The following DLG2 variants were observed in gnomAD, a reference collection of about 807,000 sequenced individuals.
The protein encoded by DLG2 is discs large MAGUK scaffold protein 2, also known as disks large homolog 2.
Under a neutral mutation model 132.5 loss-of-function variants are expected in DLG2, and 45 were observed. The ratio of observed to expected loss-of-function variants is 0.34; its 90% CI spans 0.27 to 0.44. The LOEUF (loss-of-function observed/expected upper bound fraction) is 0.44. DLG2 is among the 20% of genes least tolerant of loss of function. DLG2 has a pLI of 1.00. For missense variants in DLG2, 1,045 were observed against 1,196.9 expected, an observed-to-expected ratio of 0.87 and a Z score of 1.87; for synonymous variants, 424 against 419.6, an observed-to-expected ratio of 1.01 and a Z score of -0.13.
chr11:83,652,021 T>C (rs1470546371), intron 18 of DLG2: 4 of 320,244 alleles, frequency 1.2e-5, no homozygotes, highest in African/African-American at 6.4e-5. Context: ...TGTTAGAGAA[T>C]TGAATTCACA....
At chr11:85,077,614 T>C (rs1313955124) in intron 6 of DLG2, among the ~76,000 whole-genome samples, 1 of 150,114 alleles carries the variant, frequency 6.7e-6, no homozygotes, top group Non-Finnish European at 1.5e-5. Flanking sequence ...AGGTTAAAAA[T>C]ACATTTAACA....
At chr11:84,928,917 C>G (rs1591434679) in intron 6 of DLG2, among the ~76,000 whole-genome samples, 1 of 139,636 alleles carries the variant, frequency 7.2e-6, no homozygotes, top group South Asian at 2.2e-4. Context: ...ATAAATTTAA[C>G]AAGCCAAGAA....
At chr11:83,875,321 G>T (rs2064486308) in intron 15 of DLG2, among the ~76,000 whole-genome samples, 1 of 152,072 alleles carries the variant, frequency 6.6e-6, no homozygotes, top group African/African-American at 2.4e-5. Context: ...ACTTTTCTAA[G>T]TGTTTTTAAA....
At chr11:84,355,086 C>A (rs1420658005) in intron 7 of DLG2, among the ~76,000 whole-genome samples, 1 of 151,978 alleles carries the variant, frequency 6.6e-6, no homozygotes, top group Non-Finnish European at 1.5e-5. Context: ...AGTTCTCCTA[C>A]CCCAGAAAAT....
chr11:84,370,715 C>G (rs1384512462), intron 7 of DLG2, among the ~76,000 whole-genome samples: 2 of 152,150 alleles, frequency 1.3e-5, no homozygotes, highest in Non-Finnish European at 2.9e-5. Context: ...GTGTCTGACT[C>G]TTTACCACCT....
At chr11:85,494,075 T>A (rs1398271324) in intron 3 of DLG2, among the ~76,000 whole-genome samples, 1 of 152,030 alleles carries the variant, frequency 6.6e-6, no homozygotes, top group Non-Finnish European at 1.5e-5. Context: ...TCTTGACCCC[T>A]TATATAAGGA....
chr11:83,849,507 T>C (rs1025145612), intron 16 of DLG2, among the ~76,000 whole-genome samples: 3 of 151,714 alleles, frequency 2.0e-5, no homozygotes, highest in Non-Finnish European at 4.4e-5. Flanking sequence ...CATAGATATT[T>C]GAAACGAAAT....
chr11:84,562,840 C>A (rs1162404810), intron 6 of DLG2, among the ~76,000 whole-genome samples: 1 of 151,584 alleles, frequency 6.6e-6, no homozygotes, highest in Non-Finnish European at 1.5e-5. Context: ...GCAGCCTCAA[C>A]CAACTGTGCT....
At chr11:83,727,179 A>C (rs1222665971) in intron 18 of DLG2, among the ~76,000 whole-genome samples, 2 of 152,170 alleles carry the variant, frequency 1.3e-5, no homozygotes, top group Non-Finnish European at 2.9e-5. Context: ...TACATAGATA[A>C]TTTTATTCAA....
chr11:85,594,453 T>C (rs2079584976), intron 3 of DLG2, among the ~76,000 whole-genome samples: 1 of 152,166 alleles, frequency 6.6e-6, no homozygotes, highest in Non-Finnish European at 1.5e-5. Flanking sequence ...CTCCTCTAAT[T>C]TCCCTCTAAT....
intron 17 of DLG2, chr11:83,791,111 C>G (rs2041430865): frequency 1.5e-6 from 1 of 671,630 alleles, no homozygotes; most frequent in Admixed American, 2.5e-5. Flanking sequence ...GGCCTTGACT[C>G]TCACCTCCAT....
chr11:83,741,103 C>T (rs912247774), intron 18 of DLG2, among the ~76,000 whole-genome samples: 6 of 152,058 alleles, frequency 3.9e-5, no homozygotes, highest in African/African-American at 1.4e-4. Flanking sequence ...ATCCAAATTC[C>T]CTTCACTGAT....
At chr11:83,967,674 T>C (rs1389375041) in intron 12 of DLG2, among the ~76,000 whole-genome samples, 1 of 152,168 alleles carries the variant, frequency 6.6e-6, no homozygotes, top group Non-Finnish European at 1.5e-5. Context: ...TTTTCCCAAT[T>C]TGTTTCATTT....
chr11:85,266,272 G>A (rs1310994287), intron 4 of DLG2, among the ~76,000 whole-genome samples: 1 of 152,342 alleles, frequency 6.6e-6, no homozygotes, highest in East Asian at 1.9e-4. Context: ...CCTCCCATGT[G>A]CGGTGGATCA....
At chr11:85,162,429 T>C (rs1361861399) in intron 4 of DLG2, among the ~76,000 whole-genome samples, 2 of 152,180 alleles carry the variant, frequency 1.3e-5, no homozygotes, top group African/African-American at 2.4e-5. Flanking sequence ...CTGAGGTGCT[T>C]GCTGAAGGCA....
At chr11:85,261,661 A>G (rs1020770600) in intron 4 of DLG2, among the ~76,000 whole-genome samples, 1 of 152,182 alleles carries the variant, frequency 6.6e-6, no homozygotes, top group Non-Finnish European at 1.5e-5. Context: ...GGTAGCAGGC[A>G]TCATTGGGAA....
At chr11:85,348,579 C>G (rs889798479) in intron 3 of DLG2, among the ~76,000 whole-genome samples, 6 of 152,080 alleles carry the variant, frequency 3.9e-5, no homozygotes, top group African/African-American at 1.5e-4. Flanking sequence ...AGCAGCCAAC[C>G]GGCATTTTAA....
At chr11:84,952,506 G>T (rs1415346698) in intron 6 of DLG2, among the ~76,000 whole-genome samples, 1 of 150,186 alleles carries the variant, frequency 6.7e-6, no homozygotes, top group Non-Finnish European at 1.5e-5. Context: ...GACAGAACGA[G>T]ACTCCGTCTC....
intron 6 of DLG2, among the ~76,000 whole-genome samples, chr11:84,973,034 T>C (rs1483871026): frequency 1.3e-5 from 2 of 151,468 alleles, no homozygotes; most frequent in African/African-American, 4.8e-5. Context: ...CTCAGCTCAC[T>C]GCAATCTCCT....
Sources: gnomAD v4.1 joint callset for allele counts (sites outside exome capture counted in the v4.1 genomes callset) on GRCh38, gnomAD v4.1.1 for gene constraint, MANE v1.5 for transcripts, NCBI Gene and HGNC (gene_info 2026-07-23, HGNC 2026-07-21) for gene names.